The following ADGRB1 variants were observed in gnomAD, a reference collection of about 807,000 sequenced individuals.
The protein encoded by ADGRB1 is adhesion G protein-coupled receptor B1.
Under a neutral mutation model 175.7 loss-of-function variants are expected in ADGRB1, and 36 were observed. The observed-to-expected ratio is 0.20, with a 90% CI of 0.16 to 0.27. The LOEUF is 0.27. Ranked by LOEUF, ADGRB1 falls within the 10% of genes least tolerant of loss-of-function variation. ADGRB1 has a pLI of 1.00. For missense variants in ADGRB1, 1,731 were observed against 2,255.3 expected (o/e 0.77, Z 4.71); for synonymous variants, 1,054 against 979.4 (o/e 1.08, Z -1.42).
intron 23 of ADGRB1, 44 bp downstream of exon 23, chr8:142,524,348 C>G: frequency 6.5e-7 from 1 of 1,537,242 alleles, no homozygotes; most frequent in Non-Finnish European, 8.7e-7. Flanking sequence ...CCCACCTGGG[C>G]CCCCCACCTG....
At chr8:142,468,750 G>A (rs1379301828) in intron 2 of ADGRB1, among the ~76,000 whole-genome samples, 1 of 152,180 alleles carries the variant, frequency 6.6e-6, no homozygotes, top group African/African-American at 2.4e-5. Flanking sequence ...TACCCTGACC[G>A]TCCTGTTGAA....
In ADGRB1 at chr8:142,544,724, G is replaced by A. The variant is rs1293261901; in HGVS notation, c.*307G>A. On this transcript the variant is annotated 3_prime_UTR_variant, in exon 31 of 31. Coordinates refer to ENST00000517894, the MANE Select transcript of ADGRB1 (RefSeq NM_001702.3). ...GCTGTGGACCGTGGACAGGCCCAGC[G>A]CGGCCAGCGTCCCAGGGTACCCGCC... 10 of 240,330 alleles carry A rather than the reference G, an allele frequency of 4.2e-5. No homozygotes were observed. Among genetic ancestry groups the A allele is most frequent in the South Asian group, 1.6e-4 (1 of 6,296 alleles). The allele number at this position is 240,330 out of a possible 1,614,324, so 14.9% of individuals were successfully genotyped here.
chr8:142,535,257 C>G (rs1161530300), intron 25 of ADGRB1, among the ~76,000 whole-genome samples: 1 of 152,208 alleles, frequency 6.6e-6, no homozygotes, highest in African/African-American at 2.4e-5. Context: ...AGGCAGAGCC[C>G]AGGGCCAGCT....
rs1285695440 is a variant in ADGRB1, at chr8:142,479,428, G to A, written c.1667G>A (p.Gly556Glu). ...ERVCSGPFFGGAACQGPQDEY... is the reference protein window; with the variant it reads ...ERVCSGPFFGEAACQGPQDEY... ...GTCTGCTCTGGGCCCTTCTTCGGGG[G>A]AGCAGCCTGCCAGGGCCCCCAGGAT... Residue 556 changes from glycine (G) to glutamate (E), a missense_variant, in exon 8 of 31, where the codon GGA (glycine) becomes GAA (glutamate). Around this residue, in one of 8 missense-constraint regions of ADGRB1, gnomAD observed 388 missense variants for 630.9 expected, o/e 0.61. Transcript: ENST00000517894. 2 of 1,549,892 alleles carry A rather than the reference G, an allele frequency of 1.3e-6. No individual in the cohort carries two copies.
At chr8:142,465,018 G>A (rs1291233619) in intron 2 of ADGRB1, 36 bp downstream of exon 2, 1 of 1,217,778 alleles carries the variant, frequency 8.2e-7, no homozygotes, top group Non-Finnish European at 1.1e-6. Context: ...GGACAGGGGA[G>A]GTGGGCAGAC....
Position 142,479,750 on chromosome 8 carries a change from C to T in ADGRB1, c.1784C>T (p.Pro595Leu). ...GGTGCTGTGATCTGGAAGGAGACCC[C>T]AGCGGGAGAGGTGGCTGCTGTCCGG... Reference protein sequence around the residue: ...NFGAVIWKETPAGEVAAVRCP... With the variant: ...NFGAVIWKETLAGEVAAVRCP... Residue 595 changes from proline to leucine, a missense_variant, in exon 9 of 31, where the codon CCA (proline) becomes CTA (leucine). Physicochemically the swap from Pro to Leu is moderately conservative, Grantham distance 98 (BLOSUM62 -3). Around this residue, in one of 8 missense-constraint regions of ADGRB1, gnomAD observed 388 missense variants for 630.9 expected, o/e 0.61. Coordinates refer to ENST00000517894, the MANE Select transcript of ADGRB1 (RefSeq NM_001702.3). 1.2e-6 allele frequency: 2 copies of T among 1,613,460 alleles called. No individual in the cohort carries two copies. The highest frequency in any genetic ancestry group is 1.7e-6 in the Non-Finnish European group (2 of 1,179,630).
chr8:142,536,943 T>TG, intron 25 of ADGRB1, 44 bp from the exon 26 acceptor site: 2 of 1,500,472 alleles, frequency 1.3e-6, no homozygotes, highest in Non-Finnish European at 1.8e-6. Flanking sequence ...TGGCGCAGGG[T>TG]GGGGGCGTGG....
In ADGRB1 at chr8:142,520,840, G is replaced by C; in HGVS notation, c.2939G>C (p.Arg980Pro). The C allele has an allele frequency of 6.2e-7, 1 of 1,613,546 alleles. No homozygotes were observed. Among genetic ancestry groups the C allele is most frequent in the East Asian group, 2.2e-5 (1 of 44,866 alleles). Residue 980 changes from arginine (R) to proline (P), a missense_variant, in exon 20 of 31, where the codon CGT (arginine) becomes CCT (proline). This residue lies in a region of ADGRB1 where 301 missense variants were observed against 488.4 expected (regional missense o/e 0.62). Coordinates refer to ENST00000517894, the MANE Select transcript of ADGRB1 (RefSeq NM_001702.3). ...CTCCACAGGTACATTCGCTCAGAGC[G>C]TTCTGTCATCCTCATCAACTTCTGC... ...VSVWRYIRSE[R>P]SVILINFCLS...
intron 17 of ADGRB1, among the ~76,000 whole-genome samples, chr8:142,500,146 G>A (rs533436132): frequency 1.3e-5 from 2 of 152,108 alleles, no homozygotes; most frequent in East Asian, 3.9e-4. Context: ...GCCGTCCGGC[G>A]CTGCCTGGGA....
intron 18 of ADGRB1, among the ~76,000 whole-genome samples, chr8:142,517,453 A>G (rs994460307): frequency 2.0e-5 from 3 of 152,102 alleles, no homozygotes; most frequent in Non-Finnish European, 4.4e-5. Flanking sequence ...CTGTGGCGGG[A>G]GAGGAGCTCA....
intron 1 of ADGRB1, among the ~76,000 whole-genome samples, chr8:142,451,958 G>T (rs1320906975): frequency 6.6e-6 from 1 of 152,164 alleles, no homozygotes; most frequent in African/African-American, 2.4e-5. Flanking sequence ...ACCCAGCAAG[G>T]TCAAGCAGGC....
chr8:142,452,658 C>G (rs547557528), intron 1 of ADGRB1, among the ~76,000 whole-genome samples: 1 of 152,286 alleles, frequency 6.6e-6, no homozygotes, highest in Non-Finnish European at 1.5e-5. Flanking sequence ...GCCCGAGTCC[C>G]GAGACCATCT....
intron 17 of ADGRB1, among the ~76,000 whole-genome samples, chr8:142,508,642 C>T (rs1354630226): frequency 1.3e-5 from 2 of 152,328 alleles, no homozygotes; most frequent in Non-Finnish European, 2.9e-5. Flanking sequence ...TGGCCGCCAT[C>T]GCAGTGGCTG....
At position 142,489,403 on chromosome 8, in the gene ADGRB1, A is replaced by G. The variant is rs923709437; in HGVS notation, c.2596A>G (p.Thr866Ala). The change falls in exon 16 of 31, where the codon ACA (threonine) becomes GCA (alanine). Residue 866 changes from threonine to alanine, a missense_variant. This residue lies in a region of ADGRB1 where 388 missense variants were observed against 630.9 expected (regional missense o/e 0.61). Transcript: ENST00000517894. Reference sequence around the variant, plus strand: ...GAAACCCCCGCCTCGCTCCCTGCGCACACCCTTGGAGATCGAGTTTGCCCA... The same window carrying G: ...GAAACCCCCGCCTCGCTCCCTGCGCGCACCCTTGGAGATCGAGTTTGCCCA... Reference protein sequence around the residue: ...TVKPPPRSLRTPLEIEFAHMY... With the variant: ...TVKPPPRSLRAPLEIEFAHMY... 4 of 1,612,936 alleles carry G rather than the reference A, an allele frequency of 2.5e-6. No individual in the cohort carries two copies. The highest frequency in any genetic ancestry group is 3.4e-6 in the Non-Finnish European group (4 of 1,179,842).
intron 13 of ADGRB1, among the ~76,000 whole-genome samples, chr8:142,485,544 A>T (rs1841624881): frequency 6.6e-6 from 1 of 152,228 alleles, no homozygotes; most frequent in Non-Finnish European, 1.5e-5. Flanking sequence ...TTTTTAAAAA[A>T]TTAGCACCAA....
chr8:142,481,614 G>C lies in ADGRB1; in HGVS notation c.2033G>C (p.Ser678Thr). 1.9e-6 allele frequency: 3 copies of C among 1,605,054 alleles called. No individual in the cohort carries two copies. The highest frequency in any genetic ancestry group is 2.6e-6 in the Non-Finnish European group (3 of 1,176,036). The change falls in exon 11 of 31, where the codon AGC becomes ACC. Residue 678 changes from serine (S) to threonine (T), a missense_variant. Physicochemically the swap from Ser to Thr is moderately conservative, Grantham distance 58. Transcript: ENST00000517894. Reference sequence around the variant, plus strand: ...GTGGAGATCTCTCAGGACGGGACCAGCTACAGTGGGGACCTGCTGTCCACC... The same window carrying C: ...GTGGAGATCTCTCAGGACGGGACCACCTACAGTGGGGACCTGCTGTCCACC... ...TLVEISQDGT[S>T]YSGDLLSTID...
At chr8:142,478,443 G>A in intron 7 of ADGRB1, 83 bp downstream of exon 7, 1 of 1,406,100 alleles carries the variant, frequency 7.1e-7, no homozygotes, top group Non-Finnish European at 9.5e-7. Context: ...CAGCGGGTGG[G>A]GGTAACCATG....
At chr8:142,536,767 G>A (rs1844950122) in intron 25 of ADGRB1, among the ~76,000 whole-genome samples, 1 of 152,094 alleles carries the variant, frequency 6.6e-6, no homozygotes, top group South Asian at 2.1e-4. Flanking sequence ...TCAGACAGGA[G>A]AGGGGTAGGC....
chr8:142,518,403 C>G (rs1320426805), intron 19 of ADGRB1, among the ~76,000 whole-genome samples, 162 bp downstream of exon 19: 1 of 56,784 alleles, frequency 1.8e-5, no homozygotes, highest in African/African-American at 6.4e-5. Context: ...TGCTGTGGCC[C>G]CTCCGAGGCC....
Sources: gnomAD v4.1 joint callset for allele counts (sites outside exome capture counted in the v4.1 genomes callset) on GRCh38, gnomAD v4.1.1 for gene constraint, gnomAD v4.1.1 regional missense constraint, MANE v1.5 for transcripts, NCBI Gene and HGNC (gene_info 2026-07-23, HGNC 2026-07-21) for gene names.